The following ANKRD12 variants were observed in gnomAD, a reference collection of about 807,000 sequenced individuals.
ANKRD12 encodes the protein ankyrin repeat domain-containing protein 12.
Under a neutral mutation model 183.4 loss-of-function variants are expected in ANKRD12, and 85 were observed. That is an observed-to-expected ratio of 0.46 (90% CI 0.39 to 0.56). ANKRD12 has a LOEUF of 0.56. Among genes scored for constraint, ANKRD12 ranks in the 20% least tolerant of loss-of-function variants. The pLI, the probability that ANKRD12 is intolerant of heterozygous loss-of-function variation, is 0.00. For synonymous variants in ANKRD12, 914 were observed against 800.2 expected (o/e 1.14, Z -2.40); for missense variants, 2,405 against 2,357.1 (o/e 1.02, Z -0.42).
intron 1 of ANKRD12, among the ~76,000 whole-genome samples, chr18:9,181,125 T>G (rs1027907781): frequency 6.6e-6 from 1 of 152,200 alleles, no homozygotes; most frequent in Non-Finnish European, 1.5e-5. Context: ...CAAAAAAGTT[T>G]CTTAATTTCT....
intron 8 of ANKRD12, among the ~76,000 whole-genome samples, chr18:9,239,309 A>G (rs1237374290): frequency 6.6e-6 from 1 of 152,190 alleles, no homozygotes; most frequent in Non-Finnish European, 1.5e-5. Flanking sequence ...TTTGTTATAA[A>G]CTTGCTTTTA....
chr18:9,196,090 ATAAAT>A (rs1304195135), intron 3 of ANKRD12, among the ~76,000 whole-genome samples: 1 of 141,184 alleles, frequency 7.1e-6, no homozygotes, highest in African/African-American at 2.8e-5. Context: ...AGATTCAGAA[ATAAAT>A]TAGAAACATG....
intron 8 of ANKRD12, among the ~76,000 whole-genome samples, chr18:9,252,410 G>A (rs1445220803): frequency 1.3e-5 from 2 of 152,152 alleles, no homozygotes; most frequent in Non-Finnish European, 2.9e-5. Context: ...ATGAGCATGT[G>A]TGGCCCAGGT....
At chr18:9,217,048 TC>T (rs1454343467) in intron 7 of ANKRD12, 148 bp downstream of exon 7, 1 of 738,738 alleles carries the variant, frequency 1.4e-6, no homozygotes, top group Non-Finnish European at 2.1e-6. Flanking sequence ...TTCCCTTTTT[TC>T]TACTAAGTAT....
chr18:9,159,196 A>T (rs189408566), intron 1 of ANKRD12, among the ~76,000 whole-genome samples: 278 of 152,144 alleles, frequency 1.8e-3, no homozygotes, highest in African/African-American at 6.5e-3. Flanking sequence ...CGGCTTGTGG[A>T]TTCTCTCCAG....
chr18:9,256,132 CAG>C lies in ANKRD12; in HGVS notation c.2866_2867del (p.Arg956GlyfsTer4), dbSNP rs2038605281. 1.9e-6 allele frequency: 3 copies of C among 1,557,156 alleles called. No homozygotes were observed. The highest frequency in any genetic ancestry group is 2.6e-6 in the Non-Finnish European group (3 of 1,161,698). ...AAAAAGGCAAAAATAAAGAAAAAGA[CAG>C]GGAGCTAGATAAAAAGGAAAAATCT... ...SEKGKNKEKD[R>X]ELDKKEKSRD... On this transcript the variant is annotated frameshift_variant, in exon 9 of 13. Coordinates refer to ENST00000262126, the MANE Select transcript of ANKRD12 (RefSeq NM_015208.5). LOFTEE classifies it high-confidence loss of function.
chr18:9,162,399 C>T (rs1476633195), intron 1 of ANKRD12, among the ~76,000 whole-genome samples: 2 of 152,160 alleles, frequency 1.3e-5, no homozygotes, highest in Admixed American at 1.3e-4. Context: ...TTTATGGCTG[C>T]ATAGTATTCT....
chr18:9,209,385 A>C (rs910499015), intron 5 of ANKRD12, among the ~76,000 whole-genome samples: 2 of 152,182 alleles, frequency 1.3e-5, no homozygotes, highest in African/African-American at 4.8e-5. Context: ...AAGAAAGTAA[A>C]TCACTTTTGT....
chr18:9,149,804 T>TA (rs1184493943), intron 1 of ANKRD12, among the ~76,000 whole-genome samples: 2 of 71,086 alleles, frequency 2.8e-5, no homozygotes, highest in African/African-American at 5.0e-5. Context: ...TTTTATTTTT[T>TA]TTTTTTTTTG....
At chr18:9,194,492 G>A (rs906350393) in intron 2 of ANKRD12, among the ~76,000 whole-genome samples, 2 of 152,048 alleles carry the variant, frequency 1.3e-5, no homozygotes, top group African/African-American at 2.4e-5. Context: ...GAGTAGTTAG[G>A]ATTATAGGCA....
chr18:9,203,253 A>G (rs999727065), intron 3 of ANKRD12, among the ~76,000 whole-genome samples: 1 of 152,314 alleles, frequency 6.6e-6, no homozygotes, highest in East Asian at 1.9e-4. Context: ...CTTTCAGTTG[A>G]GTGAACCTTC....
At chr18:9,185,357 C>G (rs1045698342) in intron 2 of ANKRD12, among the ~76,000 whole-genome samples, 27 of 152,058 alleles carry the variant, frequency 1.8e-4, no homozygotes, top group African/African-American at 6.3e-4. Context: ...GAGAAGTTGG[C>G]AGATCGAAAA....
At chr18:9,231,206 G>C (rs1232491269) in intron 8 of ANKRD12, among the ~76,000 whole-genome samples, 2 of 152,144 alleles carry the variant, frequency 1.3e-5, no homozygotes, top group Non-Finnish European at 2.9e-5. Context: ...ATGTGCTGAT[G>C]AGAAGAATGT....
At chr18:9,143,944 A>G (rs148067136) in intron 1 of ANKRD12, among the ~76,000 whole-genome samples, 218 of 152,314 alleles carry the variant, frequency 1.4e-3, no homozygotes, top group African/African-American at 5.0e-3. Context: ...TCCTTCAGGC[A>G]CTAGTGCTCT....
intron 8 of ANKRD12, among the ~76,000 whole-genome samples, chr18:9,244,916 G>A (rs577293500): frequency 6.6e-5 from 10 of 152,190 alleles, no homozygotes; most frequent in African/African-American, 2.4e-4. Flanking sequence ...TCTCCTGGGT[G>A]GTGGGATTAT....
chr18:9,276,573 G>T (rs1284171254), intron 11 of ANKRD12, among the ~76,000 whole-genome samples: 1 of 152,092 alleles, frequency 6.6e-6, no homozygotes, highest in Non-Finnish European at 1.5e-5. Flanking sequence ...AATTAACTGG[G>T]TGTGGTGGGG....
chr18:9,216,359 A>G (rs1437243153), intron 6 of ANKRD12, among the ~76,000 whole-genome samples: 1 of 152,132 alleles, frequency 6.6e-6, no homozygotes, highest in East Asian at 1.9e-4. Flanking sequence ...TTTGTTAAAT[A>G]ACAATTTTTC....
intron 8 of ANKRD12, among the ~76,000 whole-genome samples, chr18:9,225,798 A>G (rs771469378): frequency 5.7e-4 from 87 of 152,332 alleles, no homozygotes; most frequent in Admixed American, 9.8e-4. Flanking sequence ...AAAAATCCCC[A>G]TACATTATTA....
In ANKRD12 at chr18:9,256,614, T is replaced by C; in HGVS notation, c.3347T>C (p.Leu1116Ser). The C allele has an allele frequency of 6.2e-7, 1 of 1,604,074 alleles. No individual in the cohort carries two copies. Among genetic ancestry groups the C allele is most frequent in the Non-Finnish European group, 8.5e-7 (1 of 1,177,660 alleles). The change falls in exon 9 of 13, where the codon TTA becomes TCA. Residue 1116 changes from leucine to serine, a missense_variant. By Grantham distance (145) the Leu-to-Ser change is moderately radical (BLOSUM62 -2). This residue lies in a region of ANKRD12 where 1,983 missense variants were observed against 1,725.9 expected (regional missense o/e 1.15). Transcript: ENST00000262126. ...GAACGGTTGAGAAACCGAAACTGTT[T>C]AGAACTTAAAATAAAAGATAAAGAA... The part of the protein sequence containing the change: ...EKERLRNRNC[L>S]ELKIKDKEKT...
Sources: gnomAD v4.1 joint callset for allele counts (sites outside exome capture counted in the v4.1 genomes callset) on GRCh38, gnomAD v4.1.1 for gene constraint, gnomAD v4.1.1 regional missense constraint, MANE v1.5 for transcripts, NCBI Gene and HGNC (gene_info 2026-07-23, HGNC 2026-07-21) for gene names.